Variants in ADGRL2 observed in about 807,000 individuals in gnomAD.
ADGRL2 encodes adhesion G protein-coupled receptor L2, also known as calcium-independent alpha-latrotoxin receptor 2.
In ADGRL2, 44 loss-of-function variants were observed where a neutral mutation model predicts 157.4. The observed-to-expected ratio is 0.28, with a 90% CI of 0.22 to 0.36. The LOEUF (loss-of-function observed/expected upper bound fraction) is 0.36, where lower values mean the gene tolerates loss of function less well. ADGRL2 is among the 10% of genes least tolerant of loss of function. The pLI is 1.00. For synonymous variants in ADGRL2, 585 were observed against 624.7 expected (o/e 0.94, Z 0.95); for missense variants, 1,510 against 1,768.9 (o/e 0.85, Z 2.63).
At chr1:81,798,280 G>T (rs2087694819), upstream of ADGRL2, among the ~76,000 whole-genome samples, 1 of 151,940 alleles carries the variant, frequency 6.6e-6, no homozygotes, top group South Asian at 2.1e-4. Context: ...CCTTTGTAAT[G>T]GCAGGTTTGT....
intron 3 of ADGRL2, among the ~76,000 whole-genome samples, chr1:81,681,266 A>G (rs2148954393): frequency 6.6e-6 from 1 of 152,364 alleles, no homozygotes; most frequent in African/African-American, 2.4e-5. Context: ...CAAAGGAAGC[A>G]TGTGCTTCTC....
chr1:81,696,007 C>G (rs763827092), upstream of ADGRL2, among the ~76,000 whole-genome samples: 1 of 152,012 alleles, frequency 6.6e-6, no homozygotes, highest in African/African-American at 2.4e-5. Context: ...ATGTAGCTCT[C>G]TCGCCATCCA....
At chr1:81,581,874 G>GCGCACA (rs1491219557) in intron 3 of ADGRL2, among the ~76,000 whole-genome samples, 1,146 of 83,554 alleles carry the variant, frequency 0.014, 2 homozygotes, top group African/African-American at 0.032. Context: ...ACACATGCGC[G>GCGCACA]CACACACACA....
rs201327268 is a variant in ADGRL2 at position 81,768,479 on chromosome 1, C to T, written c.-101+6627C>T. On this transcript the variant is annotated intron_variant, in intron 2 of 20. Transcript: ENST00000359929. ...GCATTTCCTGTTCTATGAAGTACCTCTTTTTTTTTTTTTGAGAGAAGGTTC... is the reference window on the plus strand; with the variant it reads ...GCATTTCCTGTTCTATGAAGTACCTTTTTTTTTTTTTTTGAGAGAAGGTTC... Among the ~76,000 whole-genome samples the T allele has an allele frequency of 6.2e-3, 901 of 144,310 alleles. 9 individuals are homozygous for T. The highest frequency in any genetic ancestry group is 0.022 in the African/African-American group (871 of 39,360). The allele number at this position is 144,310 out of a possible 152,430, so 94.7% of individuals were successfully genotyped here. A position where few individuals can be genotyped will look rare whatever the true frequency, so the allele number is the denominator to read the frequency against.
At chr1:81,420,804 C>T (rs1462925100) in intron 1 of ADGRL2, among the ~76,000 whole-genome samples, 1 of 152,068 alleles carries the variant, frequency 6.6e-6, no homozygotes, top group African/African-American at 2.4e-5. Flanking sequence ...CAATATTATT[C>T]CCTCCCTAAT....
At chr1:81,876,319 T>TAA (rs572111674) in intron 2 of ADGRL2, among the ~76,000 whole-genome samples, 245 of 152,240 alleles carry the variant, frequency 1.6e-3, no homozygotes, top group South Asian at 3.9e-3. Flanking sequence ...TATCATAATT[T>TAA]TATATATACT....
chr1:81,802,333 G>T (rs1371958247), intron 1 of ADGRL2, among the ~76,000 whole-genome samples: 1 of 152,026 alleles, frequency 6.6e-6, no homozygotes, highest in African/African-American at 2.4e-5. Flanking sequence ...GCAGGGAGCC[G>T]CGGGTTAATG....
chr1:81,407,286 G>A (rs142345950), intron 1 of ADGRL2, among the ~76,000 whole-genome samples: 2 of 152,162 alleles, frequency 1.3e-5, no homozygotes, highest in East Asian at 1.9e-4. Flanking sequence ...TCCTGGATCC[G>A]GAGGTCAGTG....
At chr1:81,339,806 G>T (rs1276642579) in intron 1 of ADGRL2, among the ~76,000 whole-genome samples, 4 of 152,158 alleles carry the variant, frequency 2.6e-5, no homozygotes, top group Admixed American at 2.6e-4. Flanking sequence ...TACCTGGAAT[G>T]TCTTTCTTTC....
intron 2 of ADGRL2, among the ~76,000 whole-genome samples, chr1:81,879,254 AAC>A (rs1327906753): frequency 6.6e-6 from 1 of 152,190 alleles, no homozygotes; most frequent in South Asian, 2.1e-4. Flanking sequence ...GTATGCTTAA[AAC>A]ACAGAGTAAT....
At chr1:81,811,361 C>T (rs2089847400) in intron 1 of ADGRL2, among the ~76,000 whole-genome samples, 1 of 151,636 alleles carries the variant, frequency 6.6e-6, no homozygotes, top group South Asian at 2.1e-4. Flanking sequence ...CTGGCTTTGC[C>T]TCAGATTTCC....
intron 2 of ADGRL2, among the ~76,000 whole-genome samples, chr1:81,854,116 A>G (rs2093118782): frequency 6.6e-6 from 1 of 152,136 alleles, no homozygotes; most frequent in Non-Finnish European, 1.5e-5. Flanking sequence ...CTGTTTTCTA[A>G]TCATCTTTGC....
At chr1:81,623,027 G>A (rs1398202507) in intron 3 of ADGRL2, among the ~76,000 whole-genome samples, 1 of 152,160 alleles carries the variant, frequency 6.6e-6, no homozygotes, top group African/African-American at 2.4e-5. Context: ...CAATTTTAAT[G>A]AATATCACCT....
At chr1:81,343,841 A>T (rs1441089330) in intron 1 of ADGRL2, among the ~76,000 whole-genome samples, 1 of 152,106 alleles carries the variant, frequency 6.6e-6, no homozygotes, top group Non-Finnish European at 1.5e-5. Flanking sequence ...GAACCTAATT[A>T]CCTCTCAAAG....
At chr1:81,460,101 G>A (rs1002444539) in intron 2 of ADGRL2, among the ~76,000 whole-genome samples, 1 of 151,948 alleles carries the variant, frequency 6.6e-6, no homozygotes, top group Non-Finnish European at 1.5e-5. Context: ...GATTAGTGAT[G>A]TTGAATATCT....
chr1:81,335,619 A>G (rs1450310929), intron 1 of ADGRL2, among the ~76,000 whole-genome samples: 1 of 152,222 alleles, frequency 6.6e-6, no homozygotes, highest in Non-Finnish European at 1.5e-5. Flanking sequence ...ATTTCCATGT[A>G]TGATTCCAAC....
chr1:81,816,777 A>G (rs1448522199), intron 1 of ADGRL2, among the ~76,000 whole-genome samples: 1 of 151,978 alleles, frequency 6.6e-6, no homozygotes, highest in Admixed American at 6.6e-5. Flanking sequence ...TTAACCTACA[A>G]ATGCTCTTTT....
chr1:81,323,287 G>A (rs1249071111), intron 1 of ADGRL2, among the ~76,000 whole-genome samples: 1 of 151,992 alleles, frequency 6.6e-6, no homozygotes, highest in Non-Finnish European at 1.5e-5. Context: ...TGTCACCCAG[G>A]CTGGAGTGTG....
upstream of ADGRL2, among the ~76,000 whole-genome samples, chr1:81,796,515 AG>A (rs541749150): frequency 3.3e-4 from 50 of 152,350 alleles, 1 homozygote; most frequent in African/African-American, 9.9e-4. Flanking sequence ...TCTATGGGAA[AG>A]AAAAACTTTG....
Sources: gnomAD v4.1 joint callset for allele counts (sites outside exome capture counted in the v4.1 genomes callset) on GRCh38, gnomAD v4.1.1 for gene constraint, MANE v1.5 for transcripts, NCBI Gene and HGNC (gene_info 2026-07-23, HGNC 2026-07-21) for gene names.